Variants in CELF2 observed in about 807,000 individuals in gnomAD.
CELF2 encodes the protein CUG triplet repeat RNA-binding protein 2.
A neutral mutation model predicts 62.6 loss-of-function variants in CELF2; 8 were observed. The observed-to-expected ratio is 0.13, with a 90% confidence interval of 0.07 to 0.23. The LOEUF is 0.23. CELF2 is among the 10% of genes least tolerant of loss of function. The pLI, the probability that CELF2 is intolerant of heterozygous loss-of-function variation, is 1.00. For synonymous variants in CELF2, 258 were observed against 250.0 expected (o/e 1.03, Z -0.30); for missense variants, 333 against 671.0 (o/e 0.50, Z 5.56).
In CELF2 at chr10:11,005,624, G is replaced by A. The variant is rs908018577; in HGVS notation, c.53+184G>A. Among the ~76,000 whole-genome samples, 3 of 152,186 alleles carry A rather than the reference G, an allele frequency of 2.0e-5. No individual in the cohort carries two copies. The highest frequency in any genetic ancestry group is 4.8e-5 in the African/African-American group (2 of 41,436). On this transcript the variant is annotated intron_variant, in intron 1 of 12. Coordinates refer to the CELF2 transcript ENST00000416382. The surrounding 1 kb of genome is among the most constrained non-coding windows in gnomAD (Gnocchi z 4.3). ...AGATTGGGAGAAAGAGAGAGCCAGC[G>A]AGAGAAAGGCGGAGGACTGCCGTGA...
the CELF2 span, among the ~76,000 whole-genome samples, chr10:10,557,149 G>A: frequency 7.2e-6 from 1 of 138,020 alleles, no homozygotes; most frequent in African/African-American, 2.8e-5. Context: ...TTTTCTTCTA[G>A]GGTTTTTATG....
the CELF2 span, among the ~76,000 whole-genome samples, chr10:10,779,962 C>G: frequency 6.6e-6 from 1 of 151,812 alleles, no homozygotes; most frequent in Middle Eastern, 3.4e-3. Context: ...TTGGGTGGGA[C>G]TGGGAGTTCA....
At chr10:11,326,107 G>T (rs775925219) in intron 12 of CELF2, 128 bp downstream of exon 12, 18 of 960,546 alleles carry the variant, frequency 1.9e-5, no homozygotes, top group Non-Finnish European at 2.3e-5. Flanking sequence ...CTGATTTTCT[G>T]GATCCTTGTA....
intron 9 of CELF2, among the ~76,000 whole-genome samples, chr10:11,310,275 T>G (rs2094491964): frequency 6.6e-6 from 1 of 152,162 alleles, no homozygotes; most frequent in African/African-American, 2.4e-5. Context: ...CCTGTGTATT[T>G]GGAGCTGTGG....
chr10:10,998,381 A>G (rs566324504), intron 2 of CELF2, among the ~76,000 whole-genome samples: 1 of 152,372 alleles, frequency 6.6e-6, no homozygotes, highest in South Asian at 2.1e-4. Context: ...TTTGGGGATC[A>G]TAACTTAGTT....
At chr10:10,821,803 C>T (rs2056988967) in intron 1 of CELF2, among the ~76,000 whole-genome samples, 1 of 152,102 alleles carries the variant, frequency 6.6e-6, no homozygotes, top group Non-Finnish European at 1.5e-5. Flanking sequence ...CGATGCCCAG[C>T]TAATTTTTTA....
At chr10:10,550,602 G>A in the CELF2 span, among the ~76,000 whole-genome samples, 1 of 152,114 alleles carries the variant, frequency 6.6e-6, no homozygotes, top group Non-Finnish European at 1.5e-5. Flanking sequence ...ATTGGATCTT[G>A]CAATGAGTTG....
At chr10:10,499,430 C>A in the CELF2 span, among the ~76,000 whole-genome samples, 1 of 152,084 alleles carries the variant, frequency 6.6e-6, no homozygotes, top group African/African-American at 2.4e-5. Context: ...AAAAGGAGGG[C>A]TAAACTTACT....
At chr10:10,518,409 G>A in the CELF2 span, among the ~76,000 whole-genome samples, 5 of 152,198 alleles carry the variant, frequency 3.3e-5, no homozygotes, top group Non-Finnish European at 5.9e-5. Context: ...GCAGGAGATT[G>A]TATTTCACCT....
At chr10:10,686,318 G>GT in the CELF2 span, among the ~76,000 whole-genome samples, 2 of 85,610 alleles carry the variant, frequency 2.3e-5, no homozygotes, top group African/African-American at 9.0e-5. Flanking sequence ...TTTGGGGGGG[G>GT]GGGTGGGGTG....
the CELF2 span, among the ~76,000 whole-genome samples, chr10:10,551,503 C>A: frequency 7.2e-5 from 11 of 152,116 alleles, no homozygotes; most frequent in African/African-American, 1.9e-4. Flanking sequence ...CCCCCTCCCC[C>A]CCAGTCTCCA....
At chr10:10,971,153 T>A (rs2050711893) in intron 2 of CELF2, among the ~76,000 whole-genome samples, 1 of 152,226 alleles carries the variant, frequency 6.6e-6, no homozygotes, top group Non-Finnish European at 1.5e-5. Flanking sequence ...TATCTGCTTC[T>A]CTGGCTGCTC....
chr10:10,842,953 T>C (rs2058776522), intron 1 of CELF2, among the ~76,000 whole-genome samples: 1 of 152,044 alleles, frequency 6.6e-6, no homozygotes, highest in Non-Finnish European at 1.5e-5. Context: ...GGAAGAAAGG[T>C]TACTTATTAA....
chr10:11,025,235 G>GTATATATATATA (rs1353413938), intron 1 of CELF2, among the ~76,000 whole-genome samples: 57 of 41,156 alleles, frequency 1.4e-3, no homozygotes, highest in Non-Finnish European at 2.6e-3. Flanking sequence ...GTGTGTGTGT[G>GTATATATATATA]TGTGTATATG....
chr10:10,933,657 A>G (rs931995836), intron 2 of CELF2, among the ~76,000 whole-genome samples: 15 of 151,354 alleles, frequency 9.9e-5, no homozygotes, highest in African/African-American at 3.2e-4. Flanking sequence ...CTATCATATC[A>G]ACTTCTTTAG....
chr10:10,833,013 C>CTGTG (rs71378768), intron 1 of CELF2, among the ~76,000 whole-genome samples: 17,147 of 144,450 alleles, frequency 0.12, 1,045 homozygotes, highest in South Asian at 0.2. Context: ...ACAGAAAACT[C>CTGTG]TGTGTGTGTG....
chr10:10,654,368 T>C, the CELF2 span, among the ~76,000 whole-genome samples: 10 of 109,404 alleles, frequency 9.1e-5, 2 homozygotes, highest in Non-Finnish European at 2.0e-4. Flanking sequence ...ACTCATTTTA[T>C]GAGGCCAGCA....
chr10:11,208,290 C>G (rs940724069), intron 2 of CELF2, among the ~76,000 whole-genome samples: 1 of 152,152 alleles, frequency 6.6e-6, no homozygotes, highest in African/African-American at 2.4e-5. Flanking sequence ...GGCACATCCA[C>G]AGGAGAAAAG....
chr10:11,284,500 G>GA (rs150356856), intron 8 of CELF2, among the ~76,000 whole-genome samples: 13 of 101,054 alleles, frequency 1.3e-4, no homozygotes, highest in East Asian at 5.0e-4. Flanking sequence ...AGTGTGTGGT[G>GA]GGGGATGAGG....
Sources: gnomAD v4.1 joint callset for allele counts (sites outside exome capture counted in the v4.1 genomes callset) on GRCh38, gnomAD v4.1.1 for gene constraint, Gnocchi (gnomAD v3.1) non-coding constraint, MANE v1.5 for transcripts, NCBI Gene and HGNC (gene_info 2026-07-23, HGNC 2026-07-21) for gene names.